Variants in BICRAL observed in about 807,000 individuals in gnomAD.
BICRAL encodes the protein BICRA like chromatin remodeling complex associated protein, also known as BRD4-interacting chromatin-remodeling complex-associated protein-like.
BICRAL carries 8 observed loss-of-function variants against 91.8 expected under a neutral mutation model. That is an observed-to-expected ratio of 0.09 (90% CI 0.05 to 0.16). The LOEUF (loss-of-function observed/expected upper bound fraction) is 0.16. Among genes scored for constraint, BICRAL ranks in the 10% least tolerant of loss-of-function variants. BICRAL has a pLI of 1.00. For synonymous variants in BICRAL, 445 were observed against 491.1 expected (o/e 0.91, Z 1.24); for missense variants, 1,038 against 1,310.9 (o/e 0.79, Z 3.21).
intron 6 of BICRAL, among the ~76,000 whole-genome samples, chr6:42,846,987 G>A (rs1765030273): frequency 6.6e-6 from 1 of 152,206 alleles, no homozygotes; most frequent in South Asian, 2.1e-4. Flanking sequence ...ATATGAGTTA[G>A]GCTTGGTGGC....
Position 42,751,654 on chromosome 6 carries a change from C to CTTTTTTTTTTTTTTTTT in BICRAL, c.-261+4635_-261+4651dup, listed in dbSNP as rs1190737893. On this transcript the variant is annotated intron_variant, in intron 1 of 14. Coordinates refer to the BICRAL transcript ENST00000614467. ...TAAAAGGACCCTTTTTCTTTCTTTT[C>CTTTTTTTTTTTTTTTTT]TTTTTTTTTTTTTTTTTTTTGAGAC... Among the ~76,000 whole-genome samples the CTTTTTTTTTTTTTTTTT allele has an allele frequency of 3.4e-5, 4 of 116,566 alleles. 1 individual carries two copies. The highest frequency in any genetic ancestry group is 7.0e-5 in the Non-Finnish European group (4 of 57,000). 76.5% of individuals were successfully genotyped at this position (116,566 alleles called of 152,430 possible).
intron 6 of BICRAL, among the ~76,000 whole-genome samples, chr6:42,831,149 C>T (rs940059110): frequency 1.3e-5 from 2 of 152,156 alleles, no homozygotes; most frequent in African/African-American, 4.8e-5. Context: ...ATAGCAAATA[C>T]TCCATAGGAG....
upstream of BICRAL, among the ~76,000 whole-genome samples, chr6:42,779,261 CACACACACACACAT>C (rs1043467623): frequency 2.0e-5 from 3 of 148,598 alleles, no homozygotes; most frequent in African/African-American, 5.1e-5. Context: ...CACACACACA[CACACACACACACAT>C]ATCATTGGAG....
chr6:42,763,923 A>G (rs2113835062), intron 1 of BICRAL, among the ~76,000 whole-genome samples: 1 of 151,790 alleles, frequency 6.6e-6, no homozygotes, highest in South Asian at 2.1e-4. Flanking sequence ...AAAAAAAAAA[A>G]AAGACAAAAG....
In BICRAL at chr6:42,865,044, A is replaced by G. The variant is rs765378104; in HGVS notation, c.2838A>G (p.Arg946=). 6.2e-7 allele frequency: 1 copy of G among 1,614,122 alleles called. No individual in the cohort carries two copies. The highest frequency in any genetic ancestry group is 8.5e-7 in the Non-Finnish European group (1 of 1,180,034). ...GPEGHRKTSS[R]SDHGTESKLS... is the part of the protein sequence containing the mutation. ...AGGGGCACCGGAAAACCTCATCCAG[A>G]TCGGATCATGGTACTGAGAGCAAAC... Residue 946 remains arginine (R), a synonymous_variant, in exon 13 of 13, where the codon AGA becomes AGG. Transcript: ENST00000314073.
At chr6:42,832,411 A>G (rs1019645584) in intron 6 of BICRAL, among the ~76,000 whole-genome samples, 3 of 147,348 alleles carry the variant, frequency 2.0e-5, no homozygotes, top group Admixed American at 1.4e-4. Context: ...ATATATATGT[A>G]TATATATAAT....
chr6:42,757,419 A>AT (rs58774662), intron 1 of BICRAL, among the ~76,000 whole-genome samples: 1 of 151,858 alleles, frequency 6.6e-6, no homozygotes, highest in African/African-American at 2.4e-5. Flanking sequence ...GCCCCAGCTA[A>AT]TTTTTTGTAT....
chr6:42,764,263 G>T (rs2113835584), intron 1 of BICRAL, among the ~76,000 whole-genome samples: 1 of 141,650 alleles, frequency 7.1e-6, no homozygotes, highest in Non-Finnish European at 1.5e-5. Flanking sequence ...AAACAAAAAT[G>T]TCTGTCGGGC....
chr6:42,829,694 C>T lies in BICRAL; in HGVS notation c.1361C>T (p.Thr454Ile). ...LNRNSSNMLR[T>I]NQPYTGPMLN... ...AGAAACTCTTCCAACATGCTCAGGA[C>T]CAACCAACCATATACTGGACCGATG... Residue 454 changes from threonine to isoleucine, a missense_variant, in exon 6 of 13, where the codon ACC becomes ATC. Coordinates refer to ENST00000314073, the MANE Select transcript of BICRAL (RefSeq NM_001393499.1). The T allele has an allele frequency of 6.2e-7, 1 of 1,614,186 alleles. No individual in the cohort carries two copies. The highest frequency in any genetic ancestry group is 1.3e-5 in the African/African-American group (1 of 75,054).
intron 10 of BICRAL, among the ~76,000 whole-genome samples, chr6:42,857,612 A>ATATATATATATAT (rs1471429375): frequency 3.1e-5 from 3 of 97,052 alleles, no homozygotes; most frequent in African/African-American, 2.1e-4. Context: ...AAAAAAAAAA[A>ATATATATATATAT]AAATATATAT....
chr6:42,805,532 C>T (rs180772636), intron 1 of BICRAL, among the ~76,000 whole-genome samples: 10 of 152,238 alleles, frequency 6.6e-5, no homozygotes, highest in African/African-American at 2.4e-4. Flanking sequence ...TGCAGGTTTG[C>T]CATCCTGTGA....
chr6:42,844,742 C>A (rs1012999467), intron 6 of BICRAL, among the ~76,000 whole-genome samples: 1 of 151,780 alleles, frequency 6.6e-6, no homozygotes, highest in African/African-American at 2.4e-5. Context: ...AGACAGCTGT[C>A]AGATAAATGA....
chr6:42,801,814 C>T (rs1763580587), intron 1 of BICRAL, among the ~76,000 whole-genome samples: 1 of 151,894 alleles, frequency 6.6e-6, no homozygotes, highest in African/African-American at 2.4e-5. Flanking sequence ...ACCCAGGAGG[C>T]CAAGATTGCA....
At chr6:42,800,835 G>A (rs575839852) in intron 1 of BICRAL, among the ~76,000 whole-genome samples, 2 of 152,208 alleles carry the variant, frequency 1.3e-5, no homozygotes, top group Admixed American at 1.3e-4. Flanking sequence ...TTTTCATAGG[G>A]TTTATTTTTC....
chr6:42,762,726 A>C (rs534053246), intron 1 of BICRAL, among the ~76,000 whole-genome samples: 1 of 152,114 alleles, frequency 6.6e-6, no homozygotes, highest in East Asian at 1.9e-4. Flanking sequence ...CTAGGAGTTC[A>C]AGACCAGCCT....
chr6:42,825,499 A>G (rs1304537145), intron 5 of BICRAL, among the ~76,000 whole-genome samples: 6 of 150,874 alleles, frequency 4.0e-5, no homozygotes, highest in African/African-American at 1.2e-4. Flanking sequence ...CGGGAGGTGG[A>G]GCTTGCAGTG....
Position 42,865,487 on chromosome 6 carries a change from C to T in BICRAL, c.*41C>T. 8.7e-7 allele frequency: 1 copy of T among 1,152,766 alleles called. No individual in the cohort carries two copies. The highest frequency in any genetic ancestry group is 1.3e-6 in the Non-Finnish European group (1 of 786,558). 71.4% of individuals were successfully genotyped at this position (1,152,766 alleles called of 1,614,324 possible). Reference sequence around the variant, plus strand: ...CCCTACCCCGCCCCGAGACCCCACCCCGAGACCCCACCCCGGACCAGTTAC... The same window carrying T: ...CCCTACCCCGCCCCGAGACCCCACCTCGAGACCCCACCCCGGACCAGTTAC... On this transcript the variant is annotated 3_prime_UTR_variant, in exon 13 of 13. Transcript: ENST00000314073.
intron 1 of BICRAL, among the ~76,000 whole-genome samples, chr6:42,791,860 C>T (rs1297235083): frequency 6.6e-6 from 1 of 152,118 alleles, no homozygotes; most frequent in African/African-American, 2.4e-5. Flanking sequence ...TGTACAAACA[C>T]CATAGAGTGC....
Position 42,841,003 on chromosome 6 carries a change from A to G in BICRAL, c.1839+10831A>G, listed in dbSNP as rs1039184214. On this transcript the variant is annotated intron_variant, in intron 6 of 12. Transcript: ENST00000314073. The stretch of plus-strand genomic sequence containing the variant: ...AGGCACAAGATAGCTTTAACCCAGG[A>G]GGCAGAAGTTGCAGTGGGCCGAGAT... Among the ~76,000 whole-genome samples, 18 of 143,446 alleles carry G rather than the reference A, an allele frequency of 1.3e-4. No homozygotes were observed. The Admixed American group carries it at 1.3e-3, about 10-fold the overall frequency. 94.1% of individuals were successfully genotyped at this position (143,446 alleles called of 152,430 possible). A position where few individuals can be genotyped will look rare whatever the true frequency, so the allele number is the denominator to read the frequency against.
Sources: gnomAD v4.1 joint callset for allele counts (sites outside exome capture counted in the v4.1 genomes callset) on GRCh38, gnomAD v4.1.1 for gene constraint, MANE v1.5 for transcripts, NCBI Gene and HGNC (gene_info 2026-07-23, HGNC 2026-07-21) for gene names.